EDNRB: variants seen among roughly 807,000 people sequenced by gnomAD.
EDNRB encodes endothelin receptor type B, also known as Hirschsprung disease 2.
EDNRB carries 18 observed loss-of-function variants against 46.4 expected under a neutral mutation model. The ratio of observed to expected loss-of-function variants is 0.39; its 90% CI spans 0.27 to 0.57. The LOEUF (loss-of-function observed/expected upper bound fraction) is 0.57. Among genes scored for constraint, EDNRB ranks in the 20% least tolerant of loss-of-function variants. EDNRB has a pLI of 0.61. For missense variants in EDNRB, 434 were observed against 537.5 expected, an observed-to-expected ratio of 0.81 and a Z score of 1.90; for synonymous variants, 213 against 204.9, an observed-to-expected ratio of 1.04 and a Z score of -0.34.
intron 1 of EDNRB, among the ~76,000 whole-genome samples, chr13:77,929,652 C>G (rs1880334188): frequency 6.6e-6 from 1 of 152,138 alleles, no homozygotes. Flanking sequence ...TTCATGCTAA[C>G]AGCCTTCCAC....
rs1439193162 is a variant in EDNRB, at chr13:77,896,557, G to A, written c.*1643C>T. 2 of 1,555,218 alleles carry A rather than the reference G, an allele frequency of 1.3e-6. No homozygotes were observed. Among genetic ancestry groups the A allele is most frequent in the African/African-American group, 1.4e-5 (1 of 73,440 alleles). ...TAGCTTATTTCCAACATGTGGCCCAGCCTATTAAAAGAAAAACAAAGTAAA... is the reference window on the plus strand; with the variant it reads ...TAGCTTATTTCCAACATGTGGCCCAACCTATTAAAAGAAAAACAAAGTAAA... On this transcript the variant is annotated 3_prime_UTR_variant, in exon 7 of 7. Coordinates refer to ENST00000646607, the MANE Select transcript of EDNRB (RefSeq NM_001122659.3).
intron 1 of EDNRB, among the ~76,000 whole-genome samples, chr13:77,908,077 A>G (rs995515485): frequency 1.4e-5 from 2 of 147,718 alleles, no homozygotes; most frequent in East Asian, 4.1e-4. Flanking sequence ...ATCAGCTTTC[A>G]GCATTTCATG....
At chr13:77,955,370 A>G (rs538712157) in intron 1 of EDNRB, among the ~76,000 whole-genome samples, 1 of 152,174 alleles carries the variant, frequency 6.6e-6, no homozygotes, top group South Asian at 2.1e-4. Context: ...TTTGGATAGT[A>G]ATCCCTTATC....
chr13:77,958,361 T>C (rs1425731968), intron 1 of EDNRB, among the ~76,000 whole-genome samples: 1 of 147,006 alleles, frequency 6.8e-6, no homozygotes, highest in Non-Finnish European at 1.5e-5. Flanking sequence ...TATTTATTTA[T>C]TTATTTATTT....
At chr13:77,954,789 G>C (rs1378471198) in intron 1 of EDNRB, among the ~76,000 whole-genome samples, 14 of 152,218 alleles carry the variant, frequency 9.2e-5, no homozygotes, top group African/African-American at 3.1e-4. Context: ...TTACAGGTGT[G>C]AGCCAACATG....
chr13:77,895,581 C>G lies in EDNRB; in HGVS notation c.*2619G>C, dbSNP rs1878578007. 6.6e-6 allele frequency: 1 copy of G among 151,936 alleles called. No homozygotes were observed. Among genetic ancestry groups the G allele is most frequent in the Admixed American group, 6.6e-5 (1 of 15,232 alleles). 9.4% of individuals were successfully genotyped at this position (151,936 alleles called of 1,614,324 possible). A position where few individuals can be genotyped will look rare whatever the true frequency, so the allele number is the denominator to read the frequency against. The stretch of plus-strand genomic sequence containing the variant: ...ATGTCCACTTGTCACATTTATATTT[C>G]TTTTAAACAATCAATTAGTATTTAA... On this transcript the variant is annotated 3_prime_UTR_variant, in exon 7 of 7. Coordinates refer to ENST00000646607, the MANE Select transcript of EDNRB (RefSeq NM_001122659.3).
At chr13:77,963,909 C>A (rs1352293379) in intron 1 of EDNRB, among the ~76,000 whole-genome samples, 1 of 152,026 alleles carries the variant, frequency 6.6e-6, no homozygotes, top group Non-Finnish European at 1.5e-5. Context: ...ACAATGAACT[C>A]AAACAAATTT....
chr13:77,960,086 A>G (rs1010166700), intron 1 of EDNRB, among the ~76,000 whole-genome samples: 1 of 152,234 alleles, frequency 6.6e-6, no homozygotes, highest in African/African-American at 2.4e-5. Flanking sequence ...AGTGATGGGG[A>G]GAAAGGAACC....
At chr13:77,929,618 A>T (rs1880332456) in intron 1 of EDNRB, among the ~76,000 whole-genome samples, 2 of 152,284 alleles carry the variant, frequency 1.3e-5, no homozygotes, top group East Asian at 3.9e-4. Context: ...CCATTTGTAC[A>T]AGGCGGGTGA....
At chr13:77,967,596 C>A (rs939656791) in intron 1 of EDNRB, among the ~76,000 whole-genome samples, 1 of 152,188 alleles carries the variant, frequency 6.6e-6, no homozygotes, top group South Asian at 2.1e-4. Flanking sequence ...GGGTAACTCA[C>A]TCTTAACTGA....
At chr13:77,945,880 A>C (rs1052250332) in intron 1 of EDNRB, among the ~76,000 whole-genome samples, 7 of 150,788 alleles carry the variant, frequency 4.6e-5, no homozygotes, top group African/African-American at 1.7e-4. Flanking sequence ...AAAAACCAAA[A>C]AAAAAAAAAA....
At chr13:77,906,571 A>T (rs1879291688) in intron 1 of EDNRB, among the ~76,000 whole-genome samples, 1 of 152,024 alleles carries the variant, frequency 6.6e-6, no homozygotes, top group Non-Finnish European at 1.5e-5. Flanking sequence ...TGTCATGAGG[A>T]CACTCAAGCA....
chr13:77,926,195 T>C (rs772648903), intron 1 of EDNRB, among the ~76,000 whole-genome samples: 8 of 152,196 alleles, frequency 5.3e-5, no homozygotes, highest in Admixed American at 6.5e-5. Flanking sequence ...GGATTAACAT[T>C]AGGATCCTTG....
Position 77,898,045 on chromosome 13 carries a change from A to C in EDNRB, c.*155T>G. The C allele has an allele frequency of 6.9e-7, 1 of 1,446,314 alleles. No homozygotes were observed. The highest frequency in any genetic ancestry group is 9.1e-7 in the Non-Finnish European group (1 of 1,101,990). The allele number at this position is 1,446,314 out of a possible 1,614,324, so 89.6% of individuals were successfully genotyped here. On this transcript the variant is annotated 3_prime_UTR_variant, in exon 7 of 7. Transcript: ENST00000646607. Reference sequence around the variant, plus strand: ...CCGTAAACAGCTCATAAAATGTCATATGTAGCTGTGAGTGTTAAAATAATT... The same window carrying C: ...CCGTAAACAGCTCATAAAATGTCATCTGTAGCTGTGAGTGTTAAAATAATT...
intron 1 of EDNRB, among the ~76,000 whole-genome samples, chr13:77,945,876 CA>C (rs67463440): frequency 0.53 from 61,439 of 115,584 alleles, 11,813 homozygotes; most frequent in Middle Eastern, 0.65. Flanking sequence ...TGCAAAAAAC[CA>C]AAAAAAAAAA....
At chr13:77,945,912 C>T (rs1184393012) in intron 1 of EDNRB, among the ~76,000 whole-genome samples, 6 of 150,076 alleles carry the variant, frequency 4.0e-5, no homozygotes, top group Non-Finnish European at 8.9e-5. Context: ...ACACACAATC[C>T]GAAGAGACAA....
upstream of EDNRB, chr13:77,919,497 G>T (rs749692138): frequency 1.2e-6 from 2 of 1,612,796 alleles, no homozygotes; most frequent in Non-Finnish European, 1.7e-6. Context: ...AGAGGAGCAC[G>T]CCTCCCTTGA....
intron 1 of EDNRB, among the ~76,000 whole-genome samples, chr13:77,944,051 G>A (rs1033148809): frequency 6.6e-6 from 1 of 152,026 alleles, no homozygotes; most frequent in Non-Finnish European, 1.5e-5. Flanking sequence ...GTTCATGGGG[G>A]TGCTAAGTCT....
At chr13:77,903,034 T>A in intron 3 of EDNRB, 122 bp downstream of exon 3, 1 of 1,070,820 alleles carries the variant, frequency 9.3e-7, no homozygotes. Flanking sequence ...GGATCTATAC[T>A]CTTAATTTAT....
Sources: gnomAD v4.1 joint callset for allele counts (sites outside exome capture counted in the v4.1 genomes callset) on GRCh38, gnomAD v4.1.1 for gene constraint, MANE v1.5 for transcripts, NCBI Gene and HGNC (gene_info 2026-07-23, HGNC 2026-07-21) for gene names.